The following SBF2 variants were observed in gnomAD, a reference collection of about 807,000 sequenced individuals.
SBF2 encodes the protein myotubularin-related protein 13.
SBF2 carries 112 observed loss-of-function variants against 225.2 expected under a neutral mutation model. The observed-to-expected ratio is 0.50, with a 90% CI of 0.43 to 0.58. The LOEUF is 0.58. Ranked by LOEUF, SBF2 falls within the 20% of genes least tolerant of loss-of-function variation. The pLI, the probability that SBF2 is intolerant of heterozygous loss-of-function variation, is 0.00. For synonymous variants in SBF2, 763 were observed against 773.3 expected (o/e 0.99, Z 0.22); for missense variants, 1,996 against 2,206.2 (o/e 0.90, Z 1.91).
intron 1 of SBF2, among the ~76,000 whole-genome samples, chr11:10,265,875 G>A (rs1168027243): frequency 7.0e-6 from 1 of 142,384 alleles, no homozygotes; most frequent in Non-Finnish European, 1.5e-5. Flanking sequence ...GTGTGTGTGT[G>A]CGCGCGCGCA....
chr11:10,066,406 A>G (rs1950625310), intron 2 of SBF2, among the ~76,000 whole-genome samples: 1 of 151,850 alleles, frequency 6.6e-6, no homozygotes, highest in East Asian at 1.9e-4. Flanking sequence ...AGGCTAACAT[A>G]TCATGACCAA....
intron 3 of SBF2, among the ~76,000 whole-genome samples, chr11:10,039,541 G>C (rs1949572735): frequency 6.6e-6 from 1 of 151,906 alleles, no homozygotes; most frequent in Non-Finnish European, 1.5e-5. Context: ...GAAGCAGACT[G>C]TAACCTTTTG....
At chr11:10,007,275 C>A (rs1439960262) in intron 6 of SBF2, among the ~76,000 whole-genome samples, 2 of 151,896 alleles carry the variant, frequency 1.3e-5, no homozygotes, top group Non-Finnish European at 2.9e-5. Flanking sequence ...CTTTTTTTCT[C>A]ATCTATTCTC....
intron 2 of SBF2, among the ~76,000 whole-genome samples, chr11:10,091,810 A>G (rs939710451): frequency 7.9e-5 from 12 of 152,204 alleles, no homozygotes; most frequent in Non-Finnish European, 1.8e-4. Context: ...AAGGAGATAA[A>G]GAAAGCACGA....
intron 16 of SBF2, among the ~76,000 whole-genome samples, chr11:9,944,889 T>C (rs1321578599): frequency 6.6e-6 from 1 of 152,094 alleles, no homozygotes; most frequent in African/African-American, 2.4e-5. Context: ...GAGGAATGCT[T>C]GAGGCCAAGA....
At chr11:10,120,400 T>C (rs969486354) in intron 2 of SBF2, among the ~76,000 whole-genome samples, 15 of 152,204 alleles carry the variant, frequency 9.9e-5, no homozygotes, top group African/African-American at 3.6e-4. Context: ...GGTGTGCAAA[T>C]ATCTTTGCAA....
At chr11:10,161,815 ATAAT>A (rs370572112) in intron 2 of SBF2, among the ~76,000 whole-genome samples, 6 of 135,064 alleles carry the variant, frequency 4.4e-5, no homozygotes, top group African/African-American at 1.4e-4. Context: ...AAAAAAAAAA[ATAAT>A]AATTAAAAAA....
chr11:9,829,560 C>T lies in SBF2; in HGVS notation c.3653-64G>A, dbSNP rs965269267. The T allele has an allele frequency of 1.3e-5, 17 of 1,286,804 alleles. No homozygotes were observed. In the African/African-American group the frequency reaches 2.3e-4, roughly 18 times the overall value. The allele number at this position is 1,286,804 out of a possible 1,614,324, so 79.7% of individuals were successfully genotyped here. On this transcript the variant is annotated intron_variant, in intron 27 of 39. Coordinates refer to ENST00000256190, the MANE Select transcript of SBF2 (RefSeq NM_030962.4). ...CTGTGTTAACAAAACAAGTATCTATCTATCTATCTATCTACCTATCTATCT... is the reference window on the plus strand; with the variant it reads ...CTGTGTTAACAAAACAAGTATCTATTTATCTATCTATCTACCTATCTATCT...
At chr11:9,830,518 T>G (rs1235950348) in intron 27 of SBF2, among the ~76,000 whole-genome samples, 3 of 152,090 alleles carry the variant, frequency 2.0e-5, no homozygotes, top group African/African-American at 7.2e-5. Flanking sequence ...GGCAGGCAGA[T>G]CACCTGAGGT....
At chr11:9,909,394 G>A (rs1427740215) in intron 16 of SBF2, among the ~76,000 whole-genome samples, 1 of 151,970 alleles carries the variant, frequency 6.6e-6, no homozygotes, top group Non-Finnish European at 1.5e-5. Context: ...TGAGGCGGCT[G>A]GGCGCGGTGG....
intron 16 of SBF2, among the ~76,000 whole-genome samples, chr11:9,904,599 T>G (rs1861979652): frequency 6.6e-6 from 1 of 152,188 alleles, no homozygotes; most frequent in Non-Finnish European, 1.5e-5. Flanking sequence ...ACTGTAAACG[T>G]TAGAGCTAAT....
In SBF2 at chr11:10,212,042, T is replaced by C. The variant is rs150505440; in HGVS notation, c.56-18055A>G. 4.0e-4 allele frequency among the ~76,000 whole-genome samples: 61 copies of C among 152,356 alleles called. No homozygotes were observed. In the East Asian group the frequency reaches 5.6e-3, roughly 14 times the overall value. ...GGCTGAACCTTTCAAGTCTTTAATA[T>C]GGCACTAATCTCTGAGATTCAGGAT... On this transcript the variant is annotated intron_variant, in intron 1 of 39. Coordinates refer to ENST00000256190, the MANE Select transcript of SBF2 (RefSeq NM_030962.4).
At chr11:10,231,381 G>C (rs1196317487) in intron 1 of SBF2, among the ~76,000 whole-genome samples, 1 of 152,140 alleles carries the variant, frequency 6.6e-6, no homozygotes. Flanking sequence ...GAGGAGAAGC[G>C]CTCTGATTTT....
At chr11:9,813,259 G>T (rs1479945796) in intron 29 of SBF2, among the ~76,000 whole-genome samples, 5 of 152,090 alleles carry the variant, frequency 3.3e-5, no homozygotes, top group Non-Finnish European at 7.4e-5. Flanking sequence ...AATGAAAAAA[G>T]GTAGAGATAA....
At chr11:10,078,802 T>C in intron 2 of SBF2, among the ~76,000 whole-genome samples, 1 of 152,026 alleles carries the variant, frequency 6.6e-6, no homozygotes, top group East Asian at 1.9e-4. Flanking sequence ...TTTAAAAAAA[T>C]TGCATGAGGT....
chr11:9,953,662 G>A (rs1463682380), intron 16 of SBF2, among the ~76,000 whole-genome samples: 1 of 152,160 alleles, frequency 6.6e-6, no homozygotes, highest in East Asian at 1.9e-4. Context: ...GGCCAAGGGT[G>A]TACTCACAAA....
At chr11:10,159,543 A>G (rs576814004) in intron 2 of SBF2, among the ~76,000 whole-genome samples, 112 of 152,216 alleles carry the variant, frequency 7.4e-4, no homozygotes, top group African/African-American at 2.6e-3. Flanking sequence ...TCGACTCCCT[A>G]TGATTTCATT....
At chr11:10,112,325 G>C (rs1158668386) in intron 2 of SBF2, among the ~76,000 whole-genome samples, 1 of 152,130 alleles carries the variant, frequency 6.6e-6, no homozygotes. Flanking sequence ...GAATTATGGG[G>C]GTGGGTCTTT....
intron 13 of SBF2, among the ~76,000 whole-genome samples, chr11:9,969,154 G>T (rs1029050588): frequency 1.3e-5 from 2 of 152,140 alleles, no homozygotes; most frequent in Admixed American, 6.5e-5. Context: ...TAGACAAAAA[G>T]CTTAGAGTTA....
Sources: gnomAD v4.1 joint callset for allele counts (sites outside exome capture counted in the v4.1 genomes callset) on GRCh38, gnomAD v4.1.1 for gene constraint, MANE v1.5 for transcripts, NCBI Gene and HGNC (gene_info 2026-07-23, HGNC 2026-07-21) for gene names.